The following TDRD12 variants were observed in gnomAD, a reference collection of about 807,000 sequenced individuals.
The protein encoded by TDRD12 is putative ATP-dependent RNA helicase TDRD12.
Under a neutral mutation model 133.5 loss-of-function variants are expected in TDRD12, and 158 were observed. The ratio of observed to expected loss-of-function variants is 1.18; its 90% CI spans 1.04 to 1.35. The LOEUF is 1.35. Ranked by LOEUF, TDRD12 falls within the 40% of genes most tolerant of loss-of-function variation. The probability of loss-of-function intolerance (pLI) is 0.00; values close to 1 mark genes in which losing one functional copy is unlikely to be tolerated. For synonymous variants in TDRD12, 460 were observed against 477.9 expected, an observed-to-expected ratio of 0.96 and a Z score of 0.49; for missense variants, 1,443 against 1,321.3, an observed-to-expected ratio of 1.09 and a Z score of -1.43.
At chr19:32,815,122 T>A (rs989928750) in intron 25 of TDRD12, among the ~76,000 whole-genome samples, 14 of 151,746 alleles carry the variant, frequency 9.2e-5, no homozygotes, top group African/African-American at 3.4e-4. Flanking sequence ...ATGAGAAAGA[T>A]GTACGAATTA....
At position 32,811,517 on chromosome 19, in the gene TDRD12, C is replaced by A; in HGVS notation, c.3048+97C>A. ...AGGCCTGTCTGGATTTACAGTGTCA[C>A]GTTTGGGCAGGGAAAGTGCAGTCTG... On this transcript the variant is annotated intron_variant, in intron 24 of 27. Transcript: ENST00000444215. 5 of 1,206,268 alleles carry A rather than the reference C, an allele frequency of 4.1e-6. No homozygotes were observed. The South Asian group carries it at 5.4e-5, about 13-fold the overall frequency. The allele number at this position is 1,206,268 out of a possible 1,614,324, so 74.7% of individuals were successfully genotyped here.
At chr19:32,743,441 T>C (rs1722378130) in intron 4 of TDRD12, among the ~76,000 whole-genome samples, 1 of 149,008 alleles carries the variant, frequency 6.7e-6, no homozygotes, top group Admixed American at 6.8e-5. Flanking sequence ...TGAGATAGGG[T>C]CTCACTATCT....
intron 3 of TDRD12, 109 bp from the exon 4 acceptor site, chr19:32,742,672 T>C: frequency 8.6e-7 from 1 of 1,163,854 alleles, no homozygotes; most frequent in Non-Finnish European, 1.2e-6. Context: ...GAATTGTTTT[T>C]TGTGTGTTTT....
At chr19:32,789,059 C>T (rs1211134069) in intron 11 of TDRD12, among the ~76,000 whole-genome samples, 1 of 152,142 alleles carries the variant, frequency 6.6e-6, no homozygotes, top group African/African-American at 2.4e-5. Flanking sequence ...TGGCCTTCCT[C>T]GGGTTGGGGT....
At chr19:32,739,109 T>G in intron 3 of TDRD12, 117 bp downstream of exon 3, 1 of 1,261,166 alleles carries the variant, frequency 7.9e-7, no homozygotes, top group Non-Finnish European at 1.1e-6. Flanking sequence ...AAGACAAAAC[T>G]GGAGTTCTTT....
intron 6 of TDRD12, among the ~76,000 whole-genome samples, chr19:32,752,026 A>G (rs1240099636): frequency 6.6e-6 from 1 of 151,948 alleles, no homozygotes; most frequent in Non-Finnish European, 1.5e-5. Flanking sequence ...GGCAAGCATC[A>G]TCACACGCAG....
intron 9 of TDRD12, among the ~76,000 whole-genome samples, 159 bp from the exon 10 acceptor site, chr19:32,773,297 C>T (rs1970488421): frequency 6.6e-6 from 1 of 152,154 alleles, no homozygotes; most frequent in Non-Finnish European, 1.5e-5. Context: ...CATAATCACC[C>T]AACTTTCCAG....
chr19:32,813,749 G>C (rs1186516520), exon 25 of TDRD12: 1 of 1,534,404 alleles, frequency 6.5e-7, no homozygotes, highest in Admixed American at 2.0e-5. Context: ...TCCTGGCTTT[G>C]GGAAATACAG....
chr19:32,748,745 A>G (rs1206406730), intron 5 of TDRD12, among the ~76,000 whole-genome samples: 1 of 152,274 alleles, frequency 6.6e-6, no homozygotes, highest in Admixed American at 6.5e-5. Context: ...AGCTGAGATC[A>G]GCAGGGGGCT....
chr19:32,811,206 C>G lies in TDRD12; in HGVS notation c.2838-4C>G. Reference sequence around the variant, plus strand: ...CGTTGAACCGATGCCCCATTGCTCTCCAGGGTTCAGGTGTTGGAAGTGAAC... The same window carrying G: ...CGTTGAACCGATGCCCCATTGCTCTGCAGGGTTCAGGTGTTGGAAGTGAAC... On this transcript the variant is annotated splice_polypyrimidine_tract_variant and splice_region_variant and intron_variant, in intron 23 of 27. Coordinates refer to ENST00000444215, the Ensembl canonical transcript of TDRD12. 3.9e-6 allele frequency: 6 copies of G among 1,535,014 alleles called. No homozygotes were observed. The highest frequency in any genetic ancestry group is 5.2e-6 in the Non-Finnish European group (6 of 1,146,012).
At chr19:32,782,659 C>A (rs553614831) in intron 11 of TDRD12, among the ~76,000 whole-genome samples, 1 of 152,212 alleles carries the variant, frequency 6.6e-6, no homozygotes, top group Non-Finnish European at 1.5e-5. Context: ...GATCGCCATT[C>A]TAACTGGCAT....
At chr19:32,757,986 C>T (rs1970044774) in intron 8 of TDRD12, among the ~76,000 whole-genome samples, 1 of 152,212 alleles carries the variant, frequency 6.6e-6, no homozygotes, top group South Asian at 2.1e-4. Context: ...ACTTTGCCAA[C>T]TAGGGTCCTC....
chr19:32,768,796 A>G (rs1970366980), intron 8 of TDRD12, among the ~76,000 whole-genome samples: 1 of 152,120 alleles, frequency 6.6e-6, no homozygotes, highest in Non-Finnish European at 1.5e-5. Context: ...TGGATTGCAG[A>G]TCAATTTCCT....
downstream of TDRD12, among the ~76,000 whole-genome samples, chr19:32,825,680 G>A (rs532759050): frequency 2.7e-4 from 41 of 152,256 alleles, no homozygotes; most frequent in Middle Eastern, 3.4e-3. The surrounding 1 kb of genome is among the most constrained non-coding windows in gnomAD (Gnocchi z 4.1). Context: ...TCAGGAGTCC[G>A]AGACCAGCCT....
chr19:32,821,202 T>C (rs974126182), exon 28 of TDRD12: 12 of 1,290,792 alleles, frequency 9.3e-6, no homozygotes, highest in Non-Finnish European at 1.3e-5. Context: ...AAATTGCTAA[T>C]GTTTAGACTT....
chr19:32,791,024 T>G (rs1971054944), exon 13 of TDRD12: 1 of 1,536,274 alleles, frequency 6.5e-7, no homozygotes. Context: ...GATCAAGCCC[T>G]GCTTAACCAT....
At chr19:32,826,087 AT>A (rs1036175395), downstream of TDRD12, 23 of 1,535,390 alleles carry the variant, frequency 1.5e-5, no homozygotes, top group African/African-American at 3.0e-4. Context: ...TATGACCTTG[AT>A]TTTGTGCAGA....
intron 7 of TDRD12, 79 bp downstream of exon 7, chr19:32,756,260 A>G (rs1969989110): frequency 1.7e-6 from 2 of 1,199,032 alleles, no homozygotes; most frequent in African/African-American, 3.2e-5. Context: ...AGTTGTACAG[A>G]CTTTTCCCCA....
At chr19:32,774,557 G>A (rs774361035) in intron 10 of TDRD12, among the ~76,000 whole-genome samples, 20 of 151,938 alleles carry the variant, frequency 1.3e-4, no homozygotes, top group Non-Finnish European at 2.6e-4. Flanking sequence ...ATTTAAAGAT[G>A]TTGTCCCACT....
Sources: allele counts gnomAD v4.1 joint callset (sites outside exome capture counted in the v4.1 genomes callset), GRCh38; gene constraint gnomAD v4.1.1; non-coding constraint Gnocchi (gnomAD v3.1); transcripts MANE v1.5; gene names NCBI Gene and HGNC (gene_info 2026-07-23, HGNC 2026-07-21).